The following ZBP1 variants were observed in gnomAD, a reference collection of about 807,000 sequenced individuals.
ZBP1 encodes the protein Z-DNA-binding protein 1.
In ZBP1, 42 loss-of-function variants were observed where a neutral mutation model predicts 41.1. The observed-to-expected ratio is 1.02, with a 90% CI of 0.80 to 1.32. The LOEUF (loss-of-function observed/expected upper bound fraction) is 1.32. ZBP1 is among the 40% of genes most tolerant of loss of function. The pLI is 0.00. For synonymous variants in ZBP1, 214 were observed against 205.2 expected, an observed-to-expected ratio of 1.04 and a Z score of -0.37; for missense variants, 562 against 549.7, an observed-to-expected ratio of 1.02 and a Z score of -0.22.
intron 1 of ZBP1, chr20:57,616,703 AG>A (rs2070844481): frequency 3.7e-6 from 2 of 541,664 alleles, no homozygotes; most frequent in Non-Finnish European, 6.6e-6. Context: ...CCTGGTGGCC[AG>A]GGGAGGTGCC....
chr20:57,610,790 A>G lies in ZBP1; in HGVS notation c.875-423T>C. 3.8e-6 allele frequency: 1 copy of G among 266,638 alleles called. No homozygotes were observed. Among genetic ancestry groups the G allele is most frequent in the Non-Finnish European group, 7.3e-6 (1 of 136,148 alleles). 16.5% of individuals were successfully genotyped at this position (266,638 alleles called of 1,614,324 possible). A position where few individuals can be genotyped will look rare whatever the true frequency, so the allele number is the denominator to read the frequency against. ...TGCCCTTTCCCACCCAAACTTCTGA[A>G]GAATCATCCACACTGAGTCCCGCCC... On this transcript the variant is annotated intron_variant, in intron 6 of 7. Coordinates refer to ENST00000371173, the MANE Select transcript of ZBP1 (RefSeq NM_030776.3). The surrounding 1 kb of genome is among the most constrained non-coding windows in gnomAD (Gnocchi z 5.5).
rs920434683 is a variant in ZBP1 at position 57,615,015 on chromosome 20, G to C, written c.374C>G (p.Ala125Gly). Reference protein sequence around the residue: ...RFLKDNGPQRALVIAQALGMR... With the variant: ...RFLKDNGPQRGLVIAQALGMR... Reference sequence around the variant, plus strand: ...TCCCAGTGCTTGGGCGATGACCAGGGCCCTCTGGGGACCATTGTCTTTGAG... The same window carrying C: ...TCCCAGTGCTTGGGCGATGACCAGGCCCCTCTGGGGACCATTGTCTTTGAG... The change falls in exon 4 of 8, where the codon GCC (alanine) becomes GGC (glycine). Residue 125 changes from alanine (A) to glycine (G), a missense_variant. Transcript: ENST00000371173. 3.7e-6 allele frequency: 6 copies of C among 1,614,088 alleles called. No individual in the cohort carries two copies. Among genetic ancestry groups the C allele is most frequent in the East Asian group, 2.2e-5 (1 of 44,900 alleles).
rs148470831 is a variant in ZBP1 at position 57,613,703 on chromosome 20, A to G, written c.503-373T>C. On this transcript the variant is annotated intron_variant, in intron 4 of 7. Coordinates refer to ENST00000371173, the MANE Select transcript of ZBP1 (RefSeq NM_030776.3). The surrounding 1 kb of genome is among the most constrained non-coding windows in gnomAD (Gnocchi z 4.5). ...CTTTTCCCTTGAGTAATGGCCGAGA[A>G]ACAGCAGCCCATTGGGCCAGATCGG... is the stretch of plus-strand genomic sequence containing the variant. Among the ~76,000 whole-genome samples, 731 of 152,338 alleles carry G rather than the reference A, an allele frequency of 4.8e-3. 6 individuals are homozygous for G. Among genetic ancestry groups the G allele is most frequent in the African/African-American group, 0.017 (702 of 41,576 alleles).
In ZBP1 at chr20:57,613,784, A is replaced by G. The variant is rs2146582180; in HGVS notation, c.503-454T>C. Among the ~76,000 whole-genome samples, 1 of 152,322 alleles carries G rather than the reference A, an allele frequency of 6.6e-6. No individual in the cohort carries two copies. Among genetic ancestry groups the G allele is most frequent in the African/African-American group, 2.4e-5 (1 of 41,570 alleles). On this transcript the variant is annotated intron_variant, in intron 4 of 7. Coordinates refer to ENST00000371173, the MANE Select transcript of ZBP1 (RefSeq NM_030776.3). The surrounding 1 kb of genome is among the most constrained non-coding windows in gnomAD (Gnocchi z 4.5). ...TTTGAATTTGTCACTAGTGTTTAAA[A>G]TCTGGTGGCTGTCACGCGTTATTCC...
At position 57,610,345 on chromosome 20, in the gene ZBP1, T is replaced by C. The variant is rs752554088; in HGVS notation, c.897A>G (p.Pro299=). The change falls in exon 7 of 8, where the codon CCA becomes CCG. Residue 299 remains proline (P), a synonymous_variant. Transcript: ENST00000371173. The surrounding 1 kb of genome is among the most constrained non-coding windows in gnomAD (Gnocchi z 5.5). The part of the protein sequence containing the change: ...SPPVSATAAG[P]EASFEARIPS... Reference sequence around the variant, plus strand: ...GAATTCTTGCTTCAAACGAAGCTTCTGGGCCGGCAGCAGTGGCAGAGACTG... The same window carrying C: ...GAATTCTTGCTTCAAACGAAGCTTCCGGGCCGGCAGCAGTGGCAGAGACTG... 3.1e-6 allele frequency: 5 copies of C among 1,614,176 alleles called. No individual in the cohort carries two copies. Among genetic ancestry groups the C allele is most frequent in the Non-Finnish European group, 4.2e-6 (5 of 1,180,020 alleles).
chr20:57,605,656 C>T lies in ZBP1; in HGVS notation c.1094-887G>A, dbSNP rs567178996. ...GAAAATTCATAACCCTACAATGGGC[C>T]GGGCGCCGTGGGTCACACCTAGAAT... On this transcript the variant is annotated intron_variant, in intron 7 of 7. Transcript: ENST00000371173. 1.2e-3 allele frequency among the ~76,000 whole-genome samples: 188 copies of T among 152,270 alleles called. 1 individual carries two copies. The highest frequency in any genetic ancestry group is 4.3e-3 in the African/African-American group (178 of 41,558).
At chr20:57,611,405 C>A (rs1238318396) in intron 6 of ZBP1, among the ~76,000 whole-genome samples, 3 of 44,556 alleles carry the variant, frequency 6.7e-5, no homozygotes, top group Non-Finnish European at 1.5e-4. Context: ...CCACCATGCC[C>A]GGTTAATTTT....
chr20:57,605,876 G>A (rs1479146433), intron 7 of ZBP1, among the ~76,000 whole-genome samples: 4 of 152,190 alleles, frequency 2.6e-5, no homozygotes, highest in African/African-American at 9.7e-5. Flanking sequence ...GGAGGTTGCA[G>A]TGAGCCAAGA....
chr20:57,616,266 T>G lies in ZBP1; in HGVS notation c.237A>C (p.Ala79=). Residue 79 remains alanine (A), a synonymous_variant, in exon 2 of 8, where the codon GCA becomes GCC. Transcript: ENST00000371173. ...GGTDPEGEGP[A]ELALSSPAER... ...TACCAGGGCTGGACAAGGCCAGCTC[T>G]GCAGGACCCTCGCCTTCAGGATCAG... 2 of 1,614,172 alleles carry G rather than the reference T, an allele frequency of 1.2e-6. No individual in the cohort carries two copies. Among genetic ancestry groups the G allele is most frequent in the Non-Finnish European group, 1.7e-6 (2 of 1,180,016 alleles).
At position 57,614,868 on chromosome 20, in the gene ZBP1, C is replaced by G; in HGVS notation, c.502+19G>C. 1 of 1,613,490 alleles carries G rather than the reference C, an allele frequency of 6.2e-7. No individual in the cohort carries two copies. Among genetic ancestry groups the G allele is most frequent in the Non-Finnish European group, 8.5e-7 (1 of 1,179,576 alleles). ...ATGGTTTCCCTCTGCAGCCCAGACA[C>G]AGGCAGCCGGGGGCCTACCTGGGCG... On this transcript the variant is annotated intron_variant, in intron 4 of 7. Coordinates refer to ENST00000371173, the MANE Select transcript of ZBP1 (RefSeq NM_030776.3).
chr20:57,615,372 G>T, intron 3 of ZBP1, 140 bp downstream of exon 3: 1 of 922,886 alleles, frequency 1.1e-6, no homozygotes, highest in Non-Finnish European at 1.7e-6. Context: ...TCTTGGCTCT[G>T]AACACTGTAT....
In ZBP1 at chr20:57,610,149, C is replaced by G. The variant is rs41275644; in HGVS notation, c.1093G>C (p.Gly365Arg). The change falls in exon 7 of 8, where the codon GGT (glycine) becomes CGT (arginine). Residue 365 changes from glycine to arginine, a missense_variant and splice_region_variant. Physicochemically the swap from Gly to Arg is moderately radical, Grantham distance 125. Coordinates refer to ENST00000371173, the MANE Select transcript of ZBP1 (RefSeq NM_030776.3). This position sits in a 1 kb window ranked among gnomAD's most constrained non-coding sequence, Gnocchi z 5.5. Reference sequence around the variant, plus strand: ...GGGTCCACTCTGCCCCCTAGCTCACCTGCGTCCTCCCCTGGCTCCCCCTCT... The same window carrying G: ...GGGTCCACTCTGCCCCCTAGCTCACGTGCGTCCTCCCCTGGCTCCCCCTCT... ...SGEGEPGEDAGRRPADTQSRS... is the reference protein window; with the variant it reads ...SGEGEPGEDARRRPADTQSRS... 130 of 1,613,500 alleles carry G rather than the reference C, an allele frequency of 8.1e-5. 1 individual carries two copies. In the Middle Eastern group the frequency reaches 1.6e-3, roughly 20 times the overall value.
chr20:57,616,569 G>T, intron 1 of ZBP1, 101 bp from the exon 2 acceptor site: 2 of 1,256,688 alleles, frequency 1.6e-6, no homozygotes, highest in South Asian at 2.6e-5. Flanking sequence ...GCCCCTTTTT[G>T]AGAGGGGTCC....
Position 57,613,482 on chromosome 20 carries a change from G to GT in ZBP1, c.503-153dup. Reference sequence around the variant, plus strand: ...GGGCCAAGTGGGAGGCCAGAGCTGGGTGTTTAACAGACACCACAGGTACCT... The same window carrying GT: ...GGGCCAAGTGGGAGGCCAGAGCTGGGTTGTTTAACAGACACCACAGGTACCT... On this transcript the variant is annotated intron_variant, in intron 4 of 7. Transcript: ENST00000371173. The surrounding 1 kb of genome is among the most constrained non-coding windows in gnomAD (Gnocchi z 4.5). 2.6e-6 allele frequency: 2 copies of GT among 768,296 alleles called. No individual in the cohort carries two copies. Among genetic ancestry groups the GT allele is most frequent in the Non-Finnish European group, 4.3e-6 (2 of 469,546 alleles). The allele number at this position is 768,296 out of a possible 1,614,324, so 47.6% of individuals were successfully genotyped here. A position where few individuals can be genotyped will look rare whatever the true frequency, so the allele number is the denominator to read the frequency against.
rs771738018 is a variant in ZBP1, at chr20:57,610,129, C to T, written c.1093+20G>A. ...GAGAGAGAGAGAACACACAGGGGTC[C>T]ACTCTGCCCCCTAGCTCACCTGCGT... On this transcript the variant is annotated intron_variant, in intron 7 of 7. Coordinates refer to ENST00000371173, the MANE Select transcript of ZBP1 (RefSeq NM_030776.3). This position sits in a 1 kb window ranked among gnomAD's most constrained non-coding sequence, Gnocchi z 5.5. The T allele has an allele frequency of 6.9e-6, 11 of 1,600,874 alleles. No homozygotes were observed. The highest frequency in any genetic ancestry group is 9.4e-6 in the Non-Finnish European group (11 of 1,169,252).
At chr20:57,607,186 A>T in intron 7 of ZBP1, 15 of 1,304,172 alleles carry the variant, frequency 1.2e-5, no homozygotes, top group Non-Finnish European at 1.5e-5. Context: ...CGTTAAGAAC[A>T]TTTGTGATTC....
chr20:57,610,578 A>G lies in ZBP1; in HGVS notation c.875-211T>C. 1.7e-6 allele frequency: 1 copy of G among 602,010 alleles called. No individual in the cohort carries two copies. 37.3% of individuals were successfully genotyped at this position (602,010 alleles called of 1,614,324 possible). On this transcript the variant is annotated intron_variant, in intron 6 of 7. Coordinates refer to ENST00000371173, the MANE Select transcript of ZBP1 (RefSeq NM_030776.3). The surrounding 1 kb of genome is among the most constrained non-coding windows in gnomAD (Gnocchi z 5.5). ...TGTCTGGGAAGCGTCTTTCTGCTCC[A>G]CTGATCCCGCAGTGGGTCTGCCCCA...
rs527430438 is a variant in ZBP1 at position 57,615,770 on chromosome 20, C to A, written c.260-190G>T. The stretch of plus-strand genomic sequence containing the variant: ...GCAGCTGCGGCTTCCTGCCGATTAA[C>A]TTCTCCGGGGCTCAGCCTCCTTTGC... On this transcript the variant is annotated intron_variant, in intron 2 of 7. Transcript: ENST00000371173. The A allele has an allele frequency of 1.8e-5, 10 of 566,492 alleles. No homozygotes were observed. The East Asian group carries it at 2.8e-4, about 16-fold the overall frequency. 35.1% of individuals were successfully genotyped at this position (566,492 alleles called of 1,614,324 possible).
chr20:57,614,958 A>C lies in ZBP1; in HGVS notation c.431T>G (p.Leu144Trp), dbSNP rs779967233. ...MRTAKDVNRDLYRMKSRHLLD... is the reference protein window; with the variant it reads ...MRTAKDVNRDWYRMKSRHLLD... Reference sequence around the variant, plus strand: ...AAGGTGCCTGCTCTTCATCCTGTACAAGTCTCGGTTCACATCTTTTGCTGT... The same window carrying C: ...AAGGTGCCTGCTCTTCATCCTGTACCAGTCTCGGTTCACATCTTTTGCTGT... The change falls in exon 4 of 8, where the codon TTG becomes TGG. Residue 144 changes from leucine to tryptophan, a missense_variant. Coordinates refer to ENST00000371173, the MANE Select transcript of ZBP1 (RefSeq NM_030776.3). The C allele has an allele frequency of 2.5e-6, 4 of 1,613,916 alleles. No individual in the cohort carries two copies. The South Asian group carries it at 4.4e-5, about 18-fold the overall frequency.
Sources: allele counts gnomAD v4.1 joint callset (sites outside exome capture counted in the v4.1 genomes callset), GRCh38; gene constraint gnomAD v4.1.1; non-coding constraint Gnocchi (gnomAD v3.1); transcripts MANE v1.5; gene names NCBI Gene and HGNC (gene_info 2026-07-23, HGNC 2026-07-21).